The following WASF3 variants were observed in gnomAD, a reference collection of about 807,000 sequenced individuals.
The protein encoded by WASF3 is actin-binding protein WASF3.
WASF3 carries 11 observed loss-of-function variants against 46.6 expected under a neutral mutation model. The ratio of observed to expected loss-of-function variants is 0.24; its 90% CI spans 0.15 to 0.39. The LOEUF (loss-of-function observed/expected upper bound fraction) is 0.39. Ranked by LOEUF, WASF3 falls within the 10% of genes least tolerant of loss-of-function variation. The pLI is 1.00. For missense variants in WASF3, 576 were observed against 669.8 expected, an observed-to-expected ratio of 0.86 and a Z score of 1.55; for synonymous variants, 242 against 259.7, an observed-to-expected ratio of 0.93 and a Z score of 0.65.
the WASF3 span, among the ~76,000 whole-genome samples, chr13:26,541,390 C>G: frequency 6.6e-6 from 1 of 152,216 alleles, no homozygotes; most frequent in Non-Finnish European, 1.5e-5. Context: ...CTTAGCCTCT[C>G]TATGTCTTGT....
chr13:26,600,089 AG>A (rs1358002020), intron 1 of WASF3, among the ~76,000 whole-genome samples: 2 of 152,226 alleles, frequency 1.3e-5, no homozygotes, highest in African/African-American at 4.8e-5. Context: ...TAAACTTCCC[AG>A]GGCTTGAGTG....
At chr13:26,600,836 C>T (rs1880620291) in intron 1 of WASF3, among the ~76,000 whole-genome samples, 1 of 152,230 alleles carries the variant, frequency 6.6e-6, no homozygotes, top group Non-Finnish European at 1.5e-5. Flanking sequence ...CTTCCCTACA[C>T]ACCCTCTCTC....
intron 3 of WASF3, among the ~76,000 whole-genome samples, chr13:26,652,531 G>T (rs1882343535): frequency 2.0e-5 from 3 of 152,122 alleles, no homozygotes; most frequent in African/African-American, 7.2e-5. Flanking sequence ...ATTCATCTTT[G>T]TATACCAAAC....
At chr13:26,574,223 C>G (rs191056289) in intron 1 of WASF3, among the ~76,000 whole-genome samples, 1 of 152,158 alleles carries the variant, frequency 6.6e-6, no homozygotes, top group East Asian at 1.9e-4. Context: ...GTCTCTCTCT[C>G]TATATATACA....
chr13:26,566,854 C>T (rs932112210), intron 1 of WASF3, among the ~76,000 whole-genome samples: 5 of 152,218 alleles, frequency 3.3e-5, no homozygotes, highest in Non-Finnish European at 7.3e-5. Flanking sequence ...AGTCTCTACC[C>T]CAGTCTGACT....
At chr13:26,581,785 C>G (rs1879986772) in intron 1 of WASF3, among the ~76,000 whole-genome samples, 1 of 152,074 alleles carries the variant, frequency 6.6e-6, no homozygotes, top group Non-Finnish European at 1.5e-5. Context: ...TTGATATGAT[C>G]AGAATAGAAG....
chr13:26,683,961 G>A (rs1017993551), intron 9 of WASF3, among the ~76,000 whole-genome samples: 4 of 152,202 alleles, frequency 2.6e-5, no homozygotes, highest in Non-Finnish European at 2.9e-5. Flanking sequence ...CCTGTGGGGA[G>A]CTGCACAGAC....
rs534114854 is a variant in WASF3 at position 26,615,678 on chromosome 13, A to G, written c.-11+2620A>G. Among the ~76,000 whole-genome samples the G allele has an allele frequency of 4.6e-5, 7 of 152,334 alleles. No homozygotes were observed. In the South Asian group the frequency reaches 1.0e-3, roughly 23 times the overall value. On this transcript the variant is annotated intron_variant, in intron 2 of 9. Coordinates refer to ENST00000335327, the MANE Select transcript of WASF3 (RefSeq NM_006646.6). ...AGTAAACTATGCTTATTTAAAATGT[A>G]TAATTTGATAAGTTATTTGAAATAT... is the stretch of plus-strand genomic sequence containing the variant.
At chr13:26,680,339 CG>C (rs1370244078) in intron 7 of WASF3, 1 of 1,033,008 alleles carries the variant, frequency 9.7e-7, no homozygotes, top group Non-Finnish European at 1.3e-6. Context: ...CTAACGCCCA[CG>C]GCACTGCCGG....
At chr13:26,589,822 A>T (rs149597969) in intron 1 of WASF3, among the ~76,000 whole-genome samples, 23 of 152,244 alleles carry the variant, frequency 1.5e-4, no homozygotes, top group African/African-American at 5.5e-4. Flanking sequence ...AAACATACTC[A>T]ATTTGACTAG....
chr13:26,559,818 T>TC (rs1879234329), intron 1 of WASF3, among the ~76,000 whole-genome samples: 5 of 101,614 alleles, frequency 4.9e-5, no homozygotes, highest in East Asian at 3.0e-4. Flanking sequence ...CTTTTTTTTT[T>TC]TTTTTTTTTT....
intron 9 of WASF3, among the ~76,000 whole-genome samples, chr13:26,684,876 G>A (rs1685879879): frequency 1.3e-5 from 2 of 152,110 alleles, no homozygotes; most frequent in Non-Finnish European, 2.9e-5. Flanking sequence ...GTTAAAAAAT[G>A]AATGGATACC....
At chr13:26,614,054 A>G (rs978200066) in intron 2 of WASF3, among the ~76,000 whole-genome samples, 2 of 152,194 alleles carry the variant, frequency 1.3e-5, no homozygotes, top group Non-Finnish European at 2.9e-5. Flanking sequence ...GAGGATGTAT[A>G]TGGAATTTTC....
intron 1 of WASF3, among the ~76,000 whole-genome samples, chr13:26,578,827 A>G (rs1489091508): frequency 1.3e-5 from 2 of 151,984 alleles, no homozygotes; most frequent in Admixed American, 1.3e-4. Flanking sequence ...TGTTCTTGAT[A>G]TCATTTAACA....
chr13:26,609,586 C>G (rs1444485322), intron 1 of WASF3: 1 of 136,008 alleles, frequency 7.4e-6, no homozygotes, highest in Non-Finnish European at 1.6e-5. Context: ...TTTTTCTTTT[C>G]TTTTTTCCCT....
intron 2 of WASF3, among the ~76,000 whole-genome samples, chr13:26,627,056 T>C (rs1323176406): frequency 6.6e-6 from 1 of 152,176 alleles, no homozygotes; most frequent in Non-Finnish European, 1.5e-5. Context: ...ATTTTGAAAT[T>C]CTTTAATCAT....
intron 1 of WASF3, among the ~76,000 whole-genome samples, chr13:26,602,485 T>C (rs1293986391): frequency 6.6e-6 from 1 of 152,178 alleles, no homozygotes; most frequent in African/African-American, 2.4e-5. Flanking sequence ...ACTTTAGATA[T>C]AGTGAGTTAG....
Position 26,637,732 on chromosome 13 carries a change from G to C in WASF3, c.-10-4529G>C, listed in dbSNP as rs374939909. On this transcript the variant is annotated intron_variant, in intron 2 of 9. Transcript: ENST00000335327. ...TATCCCTTCATTTGGACATTTTCCA[G>C]GTCACCGTCACTGTAATCTTTAGCA... Among the ~76,000 whole-genome samples the C allele has an allele frequency of 2.1e-3, 314 of 152,284 alleles. 2 individuals carry two copies. Among genetic ancestry groups the C allele is most frequent in the African/African-American group, 7.3e-3 (305 of 41,558 alleles).
intron 2 of WASF3, among the ~76,000 whole-genome samples, chr13:26,637,288 A>T (rs1366896549): frequency 1.3e-5 from 2 of 152,140 alleles, no homozygotes; most frequent in African/African-American, 2.4e-5. Context: ...CAATTGAGGG[A>T]CTTGCAGGTA....
Sources: gnomAD v4.1 joint callset for allele counts (sites outside exome capture counted in the v4.1 genomes callset) on GRCh38, gnomAD v4.1.1 for gene constraint, MANE v1.5 for transcripts, NCBI Gene and HGNC (gene_info 2026-07-23, HGNC 2026-07-21) for gene names.